Variants in TUBE1 observed in about 807,000 individuals in gnomAD.
The protein encoded by TUBE1 is tubulin epsilon chain.
In TUBE1, 34 loss-of-function variants were observed where a neutral mutation model predicts 53.5. The observed-to-expected ratio is 0.64, with a 90% confidence interval of 0.48 to 0.85. The LOEUF is 0.85. Among genes scored for constraint, TUBE1 ranks in the 40% least tolerant of loss-of-function variants. The probability of loss-of-function intolerance (pLI) is 0.00; values close to 1 mark genes in which losing one functional copy is unlikely to be tolerated. For synonymous variants in TUBE1, 177 were observed against 198.4 expected (o/e 0.89, Z 0.91); for missense variants, 532 against 570.5 (o/e 0.93, Z 0.69).
chr6:112,079,421 T>TA (rs60207053), intron 6 of TUBE1: 65,761 of 309,530 alleles, frequency 0.21, 3,422 homozygotes, highest in Admixed American at 0.24. Context: ...GGGCTTACAT[T>TA]AAAAAAAAAA....
intron 6 of TUBE1, 40 bp from the exon 7 acceptor site, chr6:112,076,549 T>G: frequency 6.6e-7 from 1 of 1,519,102 alleles, no homozygotes; most frequent in Non-Finnish European, 8.9e-7. Context: ...CATAAATGAT[T>G]CAGAATATAA....
intron 11 of TUBE1, 57 bp from the exon 12 acceptor site, chr6:112,071,627 C>A: frequency 7.3e-7 from 1 of 1,367,460 alleles, no homozygotes; most frequent in Non-Finnish European, 1.0e-6. Context: ...ATACATAAGA[C>A]TATCCTAAAA....
At chr6:112,084,545 G>A (rs1285857200) in intron 3 of TUBE1, among the ~76,000 whole-genome samples, 3 of 152,196 alleles carry the variant, frequency 2.0e-5, no homozygotes, top group African/African-American at 7.2e-5. Flanking sequence ...TGCAGTTGGT[G>A]CCTATCTTCT....
At chr6:112,074,954 ACT>A in intron 8 of TUBE1, 104 bp from the exon 9 acceptor site, 1 of 722,092 alleles carries the variant, frequency 1.4e-6, no homozygotes, top group Non-Finnish European at 2.1e-6. Context: ...TCTTTTGTAC[ACT>A]GTTCTTCAGT....
chr6:112,082,104 CAT>C (rs1777080742), intron 4 of TUBE1, among the ~76,000 whole-genome samples: 2 of 152,204 alleles, frequency 1.3e-5, no homozygotes, highest in African/African-American at 4.8e-5. Flanking sequence ...TGAGTTTAAT[CAT>C]GTGTGTAATT....
chr6:112,076,396 A>G lies in TUBE1; in HGVS notation c.562T>C (p.Ser188Pro), dbSNP rs2114482775. The G allele has an allele frequency of 6.2e-7, 1 of 1,612,882 alleles. No homozygotes were observed. The highest frequency in any genetic ancestry group is 8.5e-7 in the Non-Finnish European group (1 of 1,179,502). The part of the protein sequence containing the change: ...YPSGEDDVIT[S>P]PYNSILAMKE... The stretch of plus-strand genomic sequence containing the variant: ...ATTGCCAAGATGCTATTATAAGGTG[A>G]GGTTATGACATCATCCTCACCAGAA... The change falls in exon 7 of 12, where the codon TCA (serine) becomes CCA (proline). Residue 188 changes from serine (S) to proline (P), a missense_variant. Physicochemically the swap from Ser to Pro is moderately conservative, Grantham distance 74. Coordinates refer to ENST00000368662, the MANE Select transcript of TUBE1 (RefSeq NM_016262.5).
At chr6:112,083,989 C>A in intron 4 of TUBE1, 200 bp downstream of exon 4, 1 of 558,324 alleles carries the variant, frequency 1.8e-6, no homozygotes, top group Non-Finnish European at 3.2e-6. Flanking sequence ...AACAGGCTAA[C>A]TACAGTGTTT....
chr6:112,073,502 TAC>T (rs1554315640), intron 9 of TUBE1, among the ~76,000 whole-genome samples: 2 of 152,122 alleles, frequency 1.3e-5, no homozygotes. Flanking sequence ...TATCTAACAA[TAC>T]ACAGACTCCA....
At position 112,081,061 on chromosome 6, in the gene TUBE1, G is replaced by C. The variant is rs782733023; in HGVS notation, c.326+31C>G. ...GAAAGATTGCTCATTTTTTTCAGAA[G>C]ATATTCAATTTTTACGCTGTGTATT... On this transcript the variant is annotated intron_variant, in intron 5 of 11. Transcript: ENST00000368662. 17 of 1,304,598 alleles carry C rather than the reference G, an allele frequency of 1.3e-5. No homozygotes were observed. The South Asian group carries it at 2.1e-4, about 16-fold the overall frequency. 80.8% of individuals were successfully genotyped at this position (1,304,598 alleles called of 1,614,324 possible).
intron 9 of TUBE1, among the ~76,000 whole-genome samples, chr6:112,073,972 T>C (rs1776911612): frequency 6.6e-6 from 1 of 152,148 alleles, no homozygotes; most frequent in Admixed American, 6.6e-5. Context: ...ACTCCTGGGC[T>C]CAAGTGATCC....
chr6:112,071,573 A>G lies in TUBE1; in HGVS notation c.1270-3T>C. On this transcript the variant is annotated splice_polypyrimidine_tract_variant and splice_region_variant and intron_variant, in intron 11 of 11. Transcript: ENST00000368662. ...TGTAGATAGTGATGAAGGTGAGCCT[A>G]TAAATTAAAAAATTAGGTAACGTTT... The G allele has an allele frequency of 1.3e-6, 2 of 1,591,770 alleles. No individual in the cohort carries two copies. The highest frequency in any genetic ancestry group is 1.7e-6 in the Non-Finnish European group (2 of 1,166,710).
At chr6:112,083,410 C>G (rs1238474413) in intron 4 of TUBE1, among the ~76,000 whole-genome samples, 1 of 151,598 alleles carries the variant, frequency 6.6e-6, no homozygotes. Context: ...CTCTGCCCCC[C>G]GGGGTTCACG....
intron 6 of TUBE1, 41 bp from the exon 7 acceptor site, chr6:112,076,550 C>A: frequency 6.6e-7 from 1 of 1,516,182 alleles, no homozygotes; most frequent in Non-Finnish European, 8.9e-7. Context: ...ATAAATGATT[C>A]AGAATATAAT....
At chr6:112,075,903 A>G (rs201327902) in intron 8 of TUBE1, 34 bp downstream of exon 8, 19 of 1,521,942 alleles carry the variant, frequency 1.2e-5, no homozygotes, top group Non-Finnish European at 1.7e-5. Context: ...CAAAAGCACA[A>G]TAAAGTTTTT....
At position 112,084,222 on chromosome 6, in the gene TUBE1, A is replaced by G. The variant is rs1285626396; in HGVS notation, c.177T>C (p.Ile59=). The G allele has an allele frequency of 6.2e-7, 1 of 1,613,302 alleles. No homozygotes were observed. Among genetic ancestry groups the G allele is most frequent in the African/African-American group, 1.3e-5 (1 of 74,910 alleles). Reference sequence around the variant, plus strand: ...TTAAAGAACATATTTTTCCCTTGGAAATACTTCCACCATCACCAACCACTC... The same window carrying G: ...TTAAAGAACATATTTTTCCCTTGGAGATACTTCCACCATCACCAACCACTC... The part of the protein sequence containing the change: ...DTRVVGDGGS[I]SKGKICSLKA... The change falls in exon 4 of 12, where the codon ATT becomes ATC. Residue 59 remains isoleucine, a synonymous_variant. Transcript: ENST00000368662.
chr6:112,072,944 T>A, intron 9 of TUBE1, 46 bp from the exon 10 acceptor site: 1 of 1,595,062 alleles, frequency 6.3e-7, no homozygotes, highest in East Asian at 2.2e-5. Flanking sequence ...ATTACTTCTT[T>A]CTATGTATAA....
At chr6:112,080,666 T>C (rs1278398225) in intron 5 of TUBE1, among the ~76,000 whole-genome samples, 2 of 152,180 alleles carry the variant, frequency 1.3e-5, no homozygotes, top group East Asian at 1.9e-4. Context: ...GAAGAGACCA[T>C]TATATACTCA....
At chr6:112,087,057 G>A in intron 2 of TUBE1, 176 bp downstream of exon 2, 2 of 625,304 alleles carry the variant, frequency 3.2e-6, no homozygotes, top group Middle Eastern at 4.4e-4. Flanking sequence ...GCTGGCCAGT[G>A]TTCTTTTAGT....
In TUBE1 at chr6:112,072,035, C is replaced by A. The variant is rs1554315420; in HGVS notation, c.1136G>T (p.Gly379Val). The change falls in exon 11 of 12, where the codon GGC becomes GTC. Residue 379 changes from glycine to valine, a missense_variant. By Grantham distance (109) the Gly-to-Val change is moderately radical. Coordinates refer to ENST00000368662, the MANE Select transcript of TUBE1 (RefSeq NM_016262.5). Reference sequence around the variant, plus strand: ...TACGGAACACAGGCTGGTCTTCCAGCCTTCTTGATTCCAGGAGACAAATTG... The same window carrying A: ...TACGGAACACAGGCTGGTCTTCCAGACTTCTTGATTCCAGGAGACAAATTG... ...SLQFVSWNQE[G>V]WKTSLCSVPP... The A allele has an allele frequency of 6.2e-7, 1 of 1,605,190 alleles. No individual in the cohort carries two copies. Among genetic ancestry groups the A allele is most frequent in the Non-Finnish European group, 8.5e-7 (1 of 1,177,060 alleles).
Sources: gnomAD v4.1 joint callset for allele counts (sites outside exome capture counted in the v4.1 genomes callset) on GRCh38, gnomAD v4.1.1 for gene constraint, MANE v1.5 for transcripts, NCBI Gene and HGNC (gene_info 2026-07-23, HGNC 2026-07-21) for gene names.